DPY19L1: variants seen among roughly 807,000 people sequenced by gnomAD.
The protein encoded by DPY19L1 is dpy-19 like C-mannosyltransferase 1, also known as protein C-mannosyl-transferase DPY19L1.
A neutral mutation model predicts 96.9 loss-of-function variants in DPY19L1; 35 were observed. The ratio of observed to expected loss-of-function variants is 0.36; its 90% CI spans 0.28 to 0.48. The LOEUF is 0.48. Among genes scored for constraint, DPY19L1 ranks in the 20% least tolerant of loss-of-function variants. The pLI is 0.99. For missense variants in DPY19L1, 521 were observed against 777.9 expected, an observed-to-expected ratio of 0.67 and a Z score of 3.93; for synonymous variants, 205 against 252.6, an observed-to-expected ratio of 0.81 and a Z score of 1.79.
chr7:35,010,378 C>G (rs1055571421), intron 6 of DPY19L1, 90 bp downstream of exon 6: 7 of 762,532 alleles, frequency 9.2e-6, no homozygotes, highest in African/African-American at 1.8e-5. Context: ...TTTCATAAAA[C>G]TGAACTATAA....
chr7:34,967,169 C>G (rs1052023187), intron 9 of DPY19L1, among the ~76,000 whole-genome samples, 198 bp from the exon 10 acceptor site: 2 of 152,088 alleles, frequency 1.3e-5, no homozygotes, highest in African/African-American at 4.8e-5. Flanking sequence ...TTCTCTCTGA[C>G]ACACAGCTTT....
rs188400548 is a variant in DPY19L1 at position 34,940,361 on chromosome 7, T to C, written c.1690-34A>G. 191 of 1,559,802 alleles carry C rather than the reference T, an allele frequency of 1.2e-4. No individual in the cohort carries two copies. In the African/African-American group the frequency reaches 2.3e-3, roughly 18 times the overall value. Reference sequence around the variant, plus strand: ...AAATTAAGAATACATTGGTAATTGTTAGTATAAGTAGTATGCATCTGTTAT... The same window carrying C: ...AAATTAAGAATACATTGGTAATTGTCAGTATAAGTAGTATGCATCTGTTAT... On this transcript the variant is annotated intron_variant, in intron 18 of 21. Transcript: ENST00000638088.
Position 34,986,589 on chromosome 7 carries a change from T to C in DPY19L1, c.822+3295A>G, listed in dbSNP as rs80271706. ...ATAAGAATAAGAATTAATGAGATTG[T>C]TTTCAAAGTGCTCTAAGAATTCTTT... On this transcript the variant is annotated intron_variant, in intron 7 of 21. Coordinates refer to ENST00000638088, the MANE Select transcript of DPY19L1 (RefSeq NM_001366673.1). Among the ~76,000 whole-genome samples the C allele has an allele frequency of 2.2e-3, 342 of 152,138 alleles. 1 individual carries two copies. The highest frequency in any genetic ancestry group is 3.9e-3 in the Non-Finnish European group (267 of 67,900).
chr7:35,002,125 C>CAAAAAAAAAA, intron 6 of DPY19L1, among the ~76,000 whole-genome samples: 1 of 47,094 alleles, frequency 2.1e-5, no homozygotes, highest in Non-Finnish European at 4.4e-5. Context: ...GACTCCAGCT[C>CAAAAAAAAAA]AAAAAAAAAA....
chr7:35,018,968 A>G (rs1273171591), intron 1 of DPY19L1, among the ~76,000 whole-genome samples: 1 of 152,182 alleles, frequency 6.6e-6, no homozygotes, highest in Non-Finnish European at 1.5e-5. Flanking sequence ...GGGTGGAAGA[A>G]AAAAGGGAAC....
intron 6 of DPY19L1, among the ~76,000 whole-genome samples, chr7:34,997,609 CAAAAAA>C (rs3048611): frequency 5.3e-4 from 40 of 75,652 alleles, no homozygotes; most frequent in African/African-American, 1.3e-3. Context: ...GACTCCGTCT[CAAAAAA>C]AAAAAAAAAA....
chr7:34,949,728 G>T, intron 14 of DPY19L1, 69 bp downstream of exon 14: 1 of 950,098 alleles, frequency 1.1e-6, no homozygotes, highest in Non-Finnish European at 1.6e-6. Context: ...TCTGATATAA[G>T]AGGAGCACTC....
intron 7 of DPY19L1, among the ~76,000 whole-genome samples, chr7:34,981,127 A>C (rs78354209): frequency 6.6e-6 from 1 of 152,336 alleles, no homozygotes; most frequent in East Asian, 1.9e-4. Flanking sequence ...AGATCCACTG[A>C]ACAGTTAAAA....
intron 8 of DPY19L1, among the ~76,000 whole-genome samples, chr7:34,973,064 T>C (rs1311162789): frequency 6.6e-6 from 1 of 152,210 alleles, no homozygotes; most frequent in African/African-American, 2.4e-5. Flanking sequence ...GGTTTCCTTT[T>C]TACCCTCTGG....
chr7:34,974,131 T>C lies in DPY19L1; in HGVS notation c.823-526A>G, dbSNP rs537641320. 2.0e-5 allele frequency among the ~76,000 whole-genome samples: 3 copies of C among 152,282 alleles called. No individual in the cohort carries two copies. The East Asian group carries it at 5.8e-4, about 29-fold the overall frequency. ...GCAAAATATTTAAAAGTAGGCAGTGTAATCAAATTAAGTAACAAAAGTCCT... is the reference window on the plus strand; with the variant it reads ...GCAAAATATTTAAAAGTAGGCAGTGCAATCAAATTAAGTAACAAAAGTCCT... On this transcript the variant is annotated intron_variant, in intron 7 of 21. Coordinates refer to ENST00000638088, the MANE Select transcript of DPY19L1 (RefSeq NM_001366673.1).
At chr7:34,984,665 C>T (rs1011814589) in intron 7 of DPY19L1, among the ~76,000 whole-genome samples, 6 of 152,154 alleles carry the variant, frequency 3.9e-5, no homozygotes, top group African/African-American at 1.4e-4. Context: ...CAGTGAATAG[C>T]CTTCATAAAA....
In DPY19L1 at chr7:34,970,572, T is replaced by C. The variant is rs1293522789; in HGVS notation, c.915-1040A>G. 2.0e-5 allele frequency among the ~76,000 whole-genome samples: 3 copies of C among 152,308 alleles called. No individual in the cohort carries two copies. The East Asian group carries it at 5.8e-4, about 29-fold the overall frequency. On this transcript the variant is annotated intron_variant, in intron 8 of 21. Transcript: ENST00000638088. ...TAAGCCGCAGTGTAAAACTTATTTC[T>C]TGTTTCTCATAGATCATAGTCCAAA...
At chr7:34,947,339 A>G (rs1486604760) in intron 15 of DPY19L1, among the ~76,000 whole-genome samples, 2 of 152,228 alleles carry the variant, frequency 1.3e-5, no homozygotes, top group Non-Finnish European at 1.5e-5. Flanking sequence ...GTAATAATTT[A>G]CACAGGCAAG....
chr7:34,944,250 C>T (rs1784089473), intron 16 of DPY19L1, among the ~76,000 whole-genome samples: 1 of 150,802 alleles, frequency 6.6e-6, no homozygotes, highest in Non-Finnish European at 1.5e-5. Flanking sequence ...GTAGTCTTAG[C>T]TATTCAGGAG....
At chr7:34,962,090 T>A (rs1784512679) in intron 10 of DPY19L1, among the ~76,000 whole-genome samples, 1 of 152,196 alleles carries the variant, frequency 6.6e-6, no homozygotes, top group South Asian at 2.1e-4. Context: ...AATATCACTT[T>A]CCTTGGTATT....
chr7:34,956,738 C>T (rs545003993), intron 11 of DPY19L1, among the ~76,000 whole-genome samples: 14 of 152,080 alleles, frequency 9.2e-5, no homozygotes, highest in African/African-American at 3.1e-4. Flanking sequence ...CTCCTGACCT[C>T]GTGATCCACC....
At chr7:34,936,334 C>A (rs1783867047) in intron 21 of DPY19L1, among the ~76,000 whole-genome samples, 1 of 152,062 alleles carries the variant, frequency 6.6e-6, no homozygotes, top group Admixed American at 6.6e-5. Flanking sequence ...CACAAAGCCT[C>A]TGCAACTTTC....
chr7:35,003,293 G>A (rs921804055), intron 6 of DPY19L1, among the ~76,000 whole-genome samples: 1 of 152,164 alleles, frequency 6.6e-6, no homozygotes, highest in Non-Finnish European at 1.5e-5. Context: ...ACAGGGGAGA[G>A]CAGTCAAGGA....
chr7:34,964,363 G>A (rs1032096638), intron 10 of DPY19L1, among the ~76,000 whole-genome samples: 3 of 152,078 alleles, frequency 2.0e-5, no homozygotes. Context: ...CAACTCTGAA[G>A]GCTTAACATT....
Sources: allele counts gnomAD v4.1 joint callset (sites outside exome capture counted in the v4.1 genomes callset), GRCh38; gene constraint gnomAD v4.1.1; transcripts MANE v1.5; gene names NCBI Gene and HGNC (gene_info 2026-07-23, HGNC 2026-07-21).